The following ITSN2 variants were observed in gnomAD, a reference collection of about 807,000 sequenced individuals.
ITSN2 encodes intersectin-2.
Under a neutral mutation model 243.7 loss-of-function variants are expected in ITSN2, and 156 were observed. The ratio of observed to expected loss-of-function variants is 0.64; its 90% CI spans 0.56 to 0.73. The LOEUF is 0.73. ITSN2 is among the 30% of genes least tolerant of loss of function. The probability of loss-of-function intolerance (pLI) is 0.00; values close to 1 mark genes in which losing one functional copy is unlikely to be tolerated. For synonymous variants in ITSN2, 703 were observed against 699.9 expected, an observed-to-expected ratio of 1.00 and a Z score of -0.07; for missense variants, 1,801 against 1,996.1, an observed-to-expected ratio of 0.90 and a Z score of 1.86.
intron 2 of ITSN2, among the ~76,000 whole-genome samples, chr2:24,320,176 A>T (rs1387091434): frequency 6.6e-6 from 1 of 151,554 alleles, no homozygotes; most frequent in African/African-American, 2.4e-5. Flanking sequence ...CAGGAGTTTG[A>T]GACCAGCCTG....
At chr2:24,207,000 A>G (rs1327058612) in intron 37 of ITSN2, among the ~76,000 whole-genome samples, 3 of 152,120 alleles carry the variant, frequency 2.0e-5, no homozygotes, top group Non-Finnish European at 2.9e-5. Flanking sequence ...GGGCTGCTCA[A>G]CTAGGCAGCT....
rs772260462 is a variant in ITSN2, at chr2:24,216,190, C to G, written c.3849G>C (p.Pro1283=). ...VRKKTGGEKM[P]VQMIGDILAA... ...CCAGGATGTCCCCAATCATCTGCAC[C>G]GGCATCTTCTCGCCCCCGGTCTTCT... is the stretch of plus-strand genomic sequence containing the variant. Residue 1283 remains proline (P), a synonymous_variant, in exon 32 of 40, where the codon CCG becomes CCC. Transcript: ENST00000355123. 1 of 1,609,522 alleles carries G rather than the reference C, an allele frequency of 6.2e-7. No individual in the cohort carries two copies. The highest frequency in any genetic ancestry group is 1.7e-5 in the Admixed American group (1 of 59,448).
At chr2:24,215,526 G>T (rs969917404) in intron 32 of ITSN2, among the ~76,000 whole-genome samples, 4 of 152,048 alleles carry the variant, frequency 2.6e-5, no homozygotes, top group Non-Finnish European at 5.9e-5. Context: ...AATTAGCCAG[G>T]CGTGGTGGCA....
rs2151288670 is a variant in ITSN2 at position 24,246,309 on chromosome 2, T to C, written c.3397A>G (p.Ile1133Val). Residue 1133 changes from isoleucine (I) to valine (V), a missense_variant, in exon 29 of 40, where the codon ATT (isoleucine) becomes GTT (valine). By Grantham distance (29) the Ile-to-Val change is conservative. Around this residue, in one of 5 missense-constraint regions of ITSN2, gnomAD observed 928 missense variants for 1,065.4 expected, o/e 0.87. Transcript: ENST00000355123. The part of the protein sequence containing the change: ...TPAFHPVCQV[I>V]AMYDYAANNE... ...TTTGCTGCATAGTCATACATAGCAA[T>C]CACCTGACATACTATCACAAGAATA... 1.2e-6 allele frequency: 2 copies of C among 1,600,508 alleles called. No homozygotes were observed. The highest frequency in any genetic ancestry group is 1.7e-4 in the Middle Eastern group (1 of 6,018).
intron 15 of ITSN2, among the ~76,000 whole-genome samples, chr2:24,287,168 A>G (rs996852811): frequency 1.3e-5 from 2 of 152,160 alleles, no homozygotes; most frequent in Non-Finnish European, 2.9e-5. Flanking sequence ...TAACAGAATC[A>G]TATTGTCTAC....
At chr2:24,340,932 A>G (rs1017632906) in intron 1 of ITSN2, among the ~76,000 whole-genome samples, 2 of 152,154 alleles carry the variant, frequency 1.3e-5, no homozygotes, top group African/African-American at 4.8e-5. Context: ...GACAAGCAGT[A>G]TAGGAACAAA....
intron 29 of ITSN2, among the ~76,000 whole-genome samples, chr2:24,236,053 T>C (rs1362101554): frequency 1.3e-5 from 2 of 152,188 alleles, no homozygotes; most frequent in African/African-American, 2.4e-5. Flanking sequence ...TAGACAAATG[T>C]TCACAGCAGT....
At position 24,310,610 on chromosome 2, in the gene ITSN2, T is replaced by C. The variant is rs778285573; in HGVS notation, c.435A>G (p.Ser145=). 9 of 1,614,006 alleles carry C rather than the reference T, an allele frequency of 5.6e-6. No homozygotes were observed. Among genetic ancestry groups the C allele is most frequent in the East Asian group, 2.2e-5 (1 of 44,894 alleles). Residue 145 remains serine, a synonymous_variant, in exon 6 of 40, where the codon TCA becomes TCG. Transcript: ENST00000355123. ...TCATTAAGGGAGGAAGGTTGGTCCC[T>C]GAAGTCGCAGAAGACAATGATGTTA... The part of the protein sequence containing the change: ...APITSLSSAT[S]GTNLPPLMMP...
intron 8 of ITSN2, among the ~76,000 whole-genome samples, chr2:24,305,695 G>A (rs540878873): frequency 3.2e-4 from 48 of 151,842 alleles, no homozygotes; most frequent in African/African-American, 1.1e-3. Flanking sequence ...TCAGCTTAAG[G>A]ACACCAGCAG....
chr2:24,265,772 T>C (rs949405925), intron 20 of ITSN2, among the ~76,000 whole-genome samples: 7 of 152,228 alleles, frequency 4.6e-5, no homozygotes, highest in Admixed American at 6.5e-5. Flanking sequence ...TCTAGGCAAA[T>C]AGTTATATGA....
chr2:24,293,818 A>ATTGTCCAAGAGTTTTTTTTGAAAACT, intron 14 of ITSN2, 43 bp from the exon 15 acceptor site: 1 of 603,994 alleles, frequency 1.7e-6, no homozygotes, highest in Non-Finnish European at 2.9e-6. Context: ...ATGTTATAAT[A>ATTGTCCAAGAGTTTTTTTTGAAAACT]TTGTCCAAGA....
At chr2:24,265,786 T>C (rs1676586753) in intron 20 of ITSN2, among the ~76,000 whole-genome samples, 1 of 152,246 alleles carries the variant, frequency 6.6e-6, no homozygotes, top group Admixed American at 6.5e-5. Flanking sequence ...TATATGACAT[T>C]CTTTAAAAAC....
intron 29 of ITSN2, among the ~76,000 whole-genome samples, chr2:24,228,009 A>G (rs1208793206): frequency 1.3e-5 from 2 of 152,184 alleles, no homozygotes; most frequent in Admixed American, 6.5e-5. Flanking sequence ...GAATTGAGAG[A>G]GGTAATATTG....
chr2:24,348,039 G>C (rs1687705976), intron 1 of ITSN2, among the ~76,000 whole-genome samples: 1 of 151,762 alleles, frequency 6.6e-6, no homozygotes, highest in Non-Finnish European at 1.5e-5. Flanking sequence ...ACATGAGACT[G>C]AACTCCAGCT....
Position 24,313,473 on chromosome 2 carries a change from A to T in ITSN2, c.175T>A (p.Leu59Ile). The change falls in exon 4 of 40, where the codon TTA becomes ATA. Residue 59 changes from leucine to isoleucine, a missense_variant. By Grantham distance (5) the Leu-to-Ile change is conservative (BLOSUM62 2). Around this residue, in one of 5 missense-constraint regions of ITSN2, gnomAD observed 77 missense variants for 90.1 expected, o/e 0.85. Transcript: ENST00000355123. ...FLQSGLPAPVLAEIWALSDLN... is the reference protein window; with the variant it reads ...FLQSGLPAPVIAEIWALSDLN... ...AAAACACTTTACCATATTTCAGCTA[A>T]AACAGGGGCCGGCAGACCTGATTGT... 1 of 1,613,368 alleles carries T rather than the reference A, an allele frequency of 6.2e-7. No individual in the cohort carries two copies.
chr2:24,340,829 TTGTAA>T, intron 1 of ITSN2, among the ~76,000 whole-genome samples: 1 of 152,302 alleles, frequency 6.6e-6, no homozygotes, highest in East Asian at 1.9e-4. Flanking sequence ...TTGGGAATAC[TTGTAA>T]TGTCAGTGAA....
At chr2:24,326,818 G>C (rs1199996513) in intron 2 of ITSN2, 1 of 168,594 alleles carries the variant, frequency 5.9e-6, no homozygotes, top group East Asian at 1.9e-4. Flanking sequence ...TAAATCCTGA[G>C]ACATAAAACT....
chr2:24,314,562 T>C (rs1683680870), intron 3 of ITSN2, among the ~76,000 whole-genome samples: 1 of 152,246 alleles, frequency 6.6e-6, no homozygotes, highest in African/African-American at 2.4e-5. Context: ...GCATCTGGTA[T>C]ATAGTAAAAA....
chr2:24,269,051 C>T (rs537342722), intron 20 of ITSN2, among the ~76,000 whole-genome samples: 2 of 116,286 alleles, frequency 1.7e-5, no homozygotes, highest in Non-Finnish European at 3.6e-5. Context: ...TAACATTAAA[C>T]TCTCCTGTTT....
Sources: gnomAD v4.1 joint callset for allele counts (sites outside exome capture counted in the v4.1 genomes callset) on GRCh38, gnomAD v4.1.1 for gene constraint, gnomAD v4.1.1 regional missense constraint, MANE v1.5 for transcripts, NCBI Gene and HGNC (gene_info 2026-07-23, HGNC 2026-07-21) for gene names.